Variants in LMO7 observed in about 807,000 individuals in gnomAD.
LMO7 encodes LIM domain 7.
A neutral mutation model predicts 206.5 loss-of-function variants in LMO7; 120 were observed. The observed-to-expected ratio is 0.58, with a 90% CI of 0.50 to 0.68. The LOEUF is 0.68. LMO7 is among the 30% of genes least tolerant of loss of function. The pLI, the probability that LMO7 is intolerant of heterozygous loss-of-function variation, is 0.00. For missense variants in LMO7, 1,959 were observed against 1,957.9 expected (o/e 1.00, Z -0.01); for synonymous variants, 706 against 681.5 (o/e 1.04, Z -0.56).
chr13:75,647,951 C>CTTTTTTTTTTTTTTTTTTTTTTTTTTT (rs570513211), intron 1 of LMO7, among the ~76,000 whole-genome samples: 11 of 91,128 alleles, frequency 1.2e-4, no homozygotes, highest in East Asian at 3.8e-4. Flanking sequence ...TCTTTTCTTT[C>CTTTTTTTTTTTTTTTTTTTTTTTTTTT]TTTTTTTTTT....
intron 20 of LMO7, chr13:75,838,496 A>G (rs2059336732): frequency 2.2e-6 from 1 of 451,148 alleles, no homozygotes; most frequent in Non-Finnish European, 3.6e-6. Context: ...TTAAACACAC[A>G]CTTGTTTCCA....
chr13:75,772,733 TAAGG>T (rs1373177699), intron 4 of LMO7, among the ~76,000 whole-genome samples: 1 of 152,126 alleles, frequency 6.6e-6, no homozygotes, highest in Non-Finnish European at 1.5e-5. Context: ...GACATGGTAA[TAAGG>T]AAGTTCTGGA....
At chr13:75,743,184 A>G (rs2046555811) in intron 3 of LMO7, among the ~76,000 whole-genome samples, 2 of 152,220 alleles carry the variant, frequency 1.3e-5, no homozygotes, top group South Asian at 4.1e-4. Context: ...ATTGCACACC[A>G]GTCAGAATGG....
At chr13:75,678,742 A>G (rs1360252974) in intron 1 of LMO7, among the ~76,000 whole-genome samples, 1 of 152,224 alleles carries the variant, frequency 6.6e-6, no homozygotes, top group Non-Finnish European at 1.5e-5. Flanking sequence ...ATGTCAGAAA[A>G]TGATAAATAA....
chr13:75,772,257 C>T (rs1023450461), intron 4 of LMO7, among the ~76,000 whole-genome samples: 3 of 151,902 alleles, frequency 2.0e-5, no homozygotes, highest in African/African-American at 7.3e-5. Flanking sequence ...TTTAGATTGC[C>T]AAAGACACGT....
intron 4 of LMO7, among the ~76,000 whole-genome samples, chr13:75,773,291 G>A (rs1401910765): frequency 1.3e-5 from 2 of 152,090 alleles, no homozygotes; most frequent in Admixed American, 1.3e-4. Flanking sequence ...GAGGTAGGTT[G>A]GGACAAGCTT....
At chr13:75,746,322 A>G (rs1446944171) in intron 3 of LMO7, among the ~76,000 whole-genome samples, 3 of 152,198 alleles carry the variant, frequency 2.0e-5, no homozygotes, top group Middle Eastern at 3.2e-3. Flanking sequence ...CCCTGGCAGC[A>G]TCATGGAAAA....
chr13:75,684,193 A>G (rs1441050974), intron 1 of LMO7, among the ~76,000 whole-genome samples: 1 of 152,146 alleles, frequency 6.6e-6, no homozygotes, highest in Non-Finnish European at 1.5e-5. Flanking sequence ...TTTGGTGTAC[A>G]GAAGTACTGG....
intron 1 of LMO7, among the ~76,000 whole-genome samples, chr13:75,704,863 G>T (rs533188816): frequency 6.6e-6 from 1 of 152,340 alleles, no homozygotes; most frequent in East Asian, 1.9e-4. Context: ...AGTAAAGGGT[G>T]TGAAGATAAT....
chr13:75,795,167 CAATTATAT>C (rs2053817015), intron 4 of LMO7, among the ~76,000 whole-genome samples: 1 of 152,040 alleles, frequency 6.6e-6, no homozygotes, highest in Non-Finnish European at 1.5e-5. Flanking sequence ...AGAAAACTGA[CAATTATAT>C]TAATGCATAT....
intron 3 of LMO7, among the ~76,000 whole-genome samples, chr13:75,752,060 A>G (rs546071505): frequency 1.3e-5 from 2 of 151,848 alleles, no homozygotes; most frequent in African/African-American, 2.4e-5. Context: ...AATCTGGAGC[A>G]TAATGACATT....
intron 4 of LMO7, among the ~76,000 whole-genome samples, chr13:75,773,064 A>C (rs1021918786): frequency 1.3e-5 from 2 of 151,784 alleles, no homozygotes; most frequent in Admixed American, 1.3e-4. Flanking sequence ...GTGGATCTAA[A>C]GGATGGGTAG....
chr13:75,645,960 C>T (rs561627721), intron 1 of LMO7, among the ~76,000 whole-genome samples: 23 of 152,296 alleles, frequency 1.5e-4, no homozygotes, highest in African/African-American at 5.3e-4. Context: ...TATTTACATT[C>T]CTGACCCTGA....
intron 15 of LMO7, among the ~76,000 whole-genome samples, chr13:75,826,871 C>T (rs1037800461): frequency 6.6e-6 from 1 of 152,110 alleles, no homozygotes; most frequent in Non-Finnish European, 1.5e-5. Flanking sequence ...ACACGATTCA[C>T]CTGCATACCA....
intron 2 of LMO7, among the ~76,000 whole-genome samples, chr13:75,625,249 T>C (rs1253710986): frequency 6.6e-6 from 1 of 152,256 alleles, no homozygotes; most frequent in African/African-American, 2.4e-5. Context: ...TAGCCTTTTA[T>C]ATTTATGCAG....
At chr13:75,638,311 T>C (rs1334091979) in intron 1 of LMO7, among the ~76,000 whole-genome samples, 1 of 152,166 alleles carries the variant, frequency 6.6e-6, no homozygotes, top group Non-Finnish European at 1.5e-5. Context: ...TGAATTCCTT[T>C]TTTGTCCCTG....
intron 4 of LMO7, among the ~76,000 whole-genome samples, chr13:75,793,945 T>A (rs1433274251): frequency 1.5e-4 from 23 of 151,866 alleles, no homozygotes; most frequent in Admixed American, 1.5e-3. Flanking sequence ...TTTGGCTTCT[T>A]TTTCTTTCCA....
rs544341710 is a variant in LMO7 at position 75,663,124 on chromosome 13, GT to G, written c.69+26409del. On this transcript the variant is annotated intron_variant, in intron 1 of 30. Coordinates refer to ENST00000377534, the MANE Select transcript of LMO7 (RefSeq NM_001306080.2). Reference sequence around the variant, plus strand: ...TTGTAGTTGCTAATTAAATGTATAAGTTTTTTTTTTTACTATAAATCTCTCT... The same window carrying G: ...TTGTAGTTGCTAATTAAATGTATAAGTTTTTTTTTTACTATAAATCTCTCT... Among the ~76,000 whole-genome samples, 232 of 146,732 alleles carry G rather than the reference GT, an allele frequency of 1.6e-3. 1 individual carries two copies. The highest frequency in any genetic ancestry group is 4.3e-3 in the African/African-American group (174 of 40,268).
chr13:75,815,220 T>C (rs975220646), intron 11 of LMO7, among the ~76,000 whole-genome samples: 1 of 152,196 alleles, frequency 6.6e-6, no homozygotes, highest in Non-Finnish European at 1.5e-5. Context: ...ATAATTGTTA[T>C]AATCCAGGTA....
Sources: gnomAD v4.1 joint callset for allele counts (sites outside exome capture counted in the v4.1 genomes callset) on GRCh38, gnomAD v4.1.1 for gene constraint, MANE v1.5 for transcripts, NCBI Gene and HGNC (gene_info 2026-07-23, HGNC 2026-07-21) for gene names.